The following CABIN1 variants were observed in gnomAD, a reference collection of about 807,000 sequenced individuals.
CABIN1 encodes the protein calcineurin binding protein 1.
A neutral mutation model predicts 227.7 loss-of-function variants in CABIN1; 133 were observed. That is an observed-to-expected ratio of 0.58 (90% CI 0.51 to 0.67). CABIN1 has a LOEUF of 0.67. Among genes scored for constraint, CABIN1 ranks in the 30% least tolerant of loss-of-function variants. The probability of loss-of-function intolerance (pLI) is 0.00; values close to 1 mark genes in which losing one functional copy is unlikely to be tolerated. For missense variants in CABIN1, 2,408 were observed against 2,852.5 expected (o/e 0.84, Z 3.55); for synonymous variants, 1,086 against 1,155.1 (o/e 0.94, Z 1.21).
intron 4 of CABIN1, among the ~76,000 whole-genome samples, chr22:24,039,601 T>C (rs2037205889): frequency 6.6e-6 from 1 of 152,186 alleles, no homozygotes. Context: ...TGGTCTTCCC[T>C]CTCAGGACGT....
rs1163392086 is a variant in CABIN1, at chr22:24,049,138, A to G, written c.574A>G (p.Ser192Gly). 5.0e-6 allele frequency: 8 copies of G among 1,614,054 alleles called. No homozygotes were observed. In the African/African-American group the frequency reaches 5.3e-5, roughly 11 times the overall value. ...AGCTTTGGAGAAGGATTGCCGGTACAGCAAAGGGCTGGTCCTCAAGGAGAA... is the reference window on the plus strand; with the variant it reads ...AGCTTTGGAGAAGGATTGCCGGTACGGCAAAGGGCTGGTCCTCAAGGAGAA... Reference protein sequence around the residue: ...CKALEKDCRYSKGLVLKEKIF... With the variant: ...CKALEKDCRYGKGLVLKEKIF... Residue 192 changes from serine (S) to glycine (G), a missense_variant, in exon 7 of 37, where the codon AGC becomes GGC. By Grantham distance (56) the Ser-to-Gly change is moderately conservative. This residue lies in a region of CABIN1 where 1,045 missense variants were observed against 1,168.4 expected (regional missense o/e 0.89). Transcript: ENST00000263119.
At chr22:24,028,598 T>C (rs2036268402) in intron 1 of CABIN1, among the ~76,000 whole-genome samples, 1 of 152,228 alleles carries the variant, frequency 6.6e-6, no homozygotes, top group African/African-American at 2.4e-5. Flanking sequence ...CTGTCTTTGT[T>C]ATGGAGAGGT....
Position 24,119,658 on chromosome 22 carries a change from A to G in CABIN1, c.4592A>G (p.Tyr1531Cys). Residue 1531 changes from tyrosine to cysteine, a missense_variant, in exon 28 of 37, where the codon TAC becomes TGC. Tyr to Cys is a radical substitution (Grantham distance 194). Transcript: ENST00000263119. ...TTCCCCCAGCACTATAAGAGTCTCTACCGTCTGGCCTTCCTCTACACCTAC... is the reference window on the plus strand; with the variant it reads ...TTCCCCCAGCACTATAAGAGTCTCTGCCGTCTGGCCTTCCTCTACACCTAC... ...SRFPQHYKSL[Y>C]RLAFLYTYSK... 1 of 1,613,966 alleles carries G rather than the reference A, an allele frequency of 6.2e-7. No homozygotes were observed. Among genetic ancestry groups the G allele is most frequent in the Non-Finnish European group, 8.5e-7 (1 of 1,180,026 alleles).
chr22:24,144,425 G>A (rs888107723), intron 29 of CABIN1, among the ~76,000 whole-genome samples: 1 of 152,232 alleles, frequency 6.6e-6, no homozygotes, highest in South Asian at 2.1e-4. Flanking sequence ...ACCTGATGGT[G>A]CATGTCATCT....
chr22:24,120,598 G>C (rs916374997), intron 28 of CABIN1, among the ~76,000 whole-genome samples: 1 of 152,078 alleles, frequency 6.6e-6, no homozygotes, highest in Non-Finnish European at 1.5e-5. Flanking sequence ...GAGGCAGGGG[G>C]ATCACCTGAG....
chr22:24,157,757 C>T (rs1022409334), intron 29 of CABIN1, among the ~76,000 whole-genome samples: 5 of 152,188 alleles, frequency 3.3e-5, no homozygotes, highest in African/African-American at 9.7e-5. Context: ...CCCACAGCTG[C>T]TCCTGACCTC....
chr22:24,056,418 A>G (rs2038802049), intron 10 of CABIN1, 58 bp downstream of exon 10: 3 of 1,545,230 alleles, frequency 1.9e-6, no homozygotes, highest in East Asian at 4.5e-5. Context: ...AGCATACACC[A>G]TCAGTAACAT....
intron 33 of CABIN1, among the ~76,000 whole-genome samples, 154 bp from the exon 34 acceptor site, chr22:24,171,559 G>T (rs2046813569): frequency 6.6e-6 from 1 of 152,226 alleles, no homozygotes; most frequent in South Asian, 2.1e-4. Context: ...CTTGTTGGCA[G>T]CATTGTGGGG....
At chr22:24,054,319 A>G (rs898211226) in intron 8 of CABIN1, among the ~76,000 whole-genome samples, 3 of 152,182 alleles carry the variant, frequency 2.0e-5, no homozygotes, top group African/African-American at 7.2e-5. Flanking sequence ...ACCACACCAT[A>G]CCACAACAAA....
chr22:24,094,546 G>A (rs983861531), intron 24 of CABIN1, among the ~76,000 whole-genome samples: 14 of 152,076 alleles, frequency 9.2e-5, no homozygotes, highest in Non-Finnish European at 1.3e-4. Flanking sequence ...GGCCGGGCGC[G>A]GTGGCTCACG....
At chr22:24,056,626 G>A (rs1806040321) in intron 10 of CABIN1, 1 of 486,060 alleles carries the variant, frequency 2.1e-6, no homozygotes, top group Non-Finnish European at 3.7e-6. Flanking sequence ...TCATGTCCCT[G>A]TGTATTTACA....
At chr22:24,015,426 G>T (rs2035197499) in intron 1 of CABIN1, among the ~76,000 whole-genome samples, 1 of 150,296 alleles carries the variant, frequency 6.7e-6, no homozygotes, top group South Asian at 2.1e-4. Context: ...CTCACTGCAA[G>T]CTCCGCCTCC....
At chr22:24,076,724 A>C (rs1387348464) in intron 19 of CABIN1, among the ~76,000 whole-genome samples, 1 of 152,220 alleles carries the variant, frequency 6.6e-6, no homozygotes, top group East Asian at 1.9e-4. Flanking sequence ...CTATTATTAC[A>C]TCCATTCAGT....
At chr22:24,151,830 C>A (rs1294957200) in intron 29 of CABIN1, among the ~76,000 whole-genome samples, 1 of 152,226 alleles carries the variant, frequency 6.6e-6, no homozygotes, top group East Asian at 1.9e-4. Context: ...CTACCCACCT[C>A]TTGCCCTCCT....
chr22:24,092,827 C>G (rs1020089212), intron 24 of CABIN1, among the ~76,000 whole-genome samples: 2 of 151,928 alleles, frequency 1.3e-5, no homozygotes, highest in African/African-American at 4.8e-5. Flanking sequence ...TGCTATGTCC[C>G]TGTATGTCCG....
intron 28 of CABIN1, among the ~76,000 whole-genome samples, chr22:24,123,891 G>A (rs1244904296): frequency 6.6e-6 from 1 of 152,248 alleles, no homozygotes; most frequent in East Asian, 1.9e-4. Flanking sequence ...TGGAGCATCC[G>A]ATGTCTGCCT....
intron 29 of CABIN1, among the ~76,000 whole-genome samples, chr22:24,160,909 T>A (rs1033288345): frequency 2.6e-5 from 4 of 152,148 alleles, no homozygotes; most frequent in African/African-American, 9.7e-5. Flanking sequence ...CTTAACCAGC[T>A]CTCAGTTCCC....
intron 29 of CABIN1, chr22:24,156,388 CGGCGGCGCGCGGG>C (rs1180810206): frequency 2.5e-5 from 7 of 277,954 alleles, no homozygotes; most frequent in Non-Finnish European, 4.7e-5. Flanking sequence ...CCGGCTTGGG[CGGCGGCGCGCGGG>C]GGCGGCAGGC....
In CABIN1 at chr22:24,119,428, G is replaced by A. The variant is rs751888932; in HGVS notation, c.4362G>A (p.Gln1454=). ...EGFRAAEQGV[Q]KPAAETPASA... ...TCCGGGCTGCAGAGCAAGGTGTCCA[G>A]AAGCCTGCTGCAGAAACCCCAGCCT... The change falls in exon 28 of 37, where the codon CAG becomes CAA. Residue 1454 remains glutamine, a synonymous_variant. Transcript: ENST00000263119. 13 of 1,614,000 alleles carry A rather than the reference G, an allele frequency of 8.1e-6. No individual in the cohort carries two copies. Among genetic ancestry groups the A allele is most frequent in the Admixed American group, 3.3e-5 (2 of 60,014 alleles).
Sources: allele counts gnomAD v4.1 joint callset (sites outside exome capture counted in the v4.1 genomes callset), GRCh38; gene constraint gnomAD v4.1.1; regional missense constraint gnomAD v4.1.1; transcripts MANE v1.5; gene names NCBI Gene and HGNC (gene_info 2026-07-23, HGNC 2026-07-21).